WWTR1: variants seen among roughly 807,000 people sequenced by gnomAD.
WWTR1 encodes WW domain-containing transcription regulator protein 1.
In WWTR1, 13 loss-of-function variants were observed where a neutral mutation model predicts 40.1. The ratio of observed to expected loss-of-function variants is 0.32; its 90% confidence interval spans 0.21 to 0.52. The LOEUF (loss-of-function observed/expected upper bound fraction) is 0.52, where lower values mean the gene tolerates loss of function less well. Among genes scored for constraint, WWTR1 ranks in the 20% least tolerant of loss-of-function variants. The probability of loss-of-function intolerance (pLI) is 0.97; values close to 1 mark genes in which losing one functional copy is unlikely to be tolerated. For synonymous variants in WWTR1, 230 were observed against 210.1 expected (o/e 1.09, Z -0.82); for missense variants, 436 against 523.1 (o/e 0.83, Z 1.63).
intron 2 of WWTR1, among the ~76,000 whole-genome samples, chr3:149,576,751 AT>A (rs369130842): frequency 4.5e-4 from 68 of 151,060 alleles, no homozygotes; most frequent in Admixed American, 7.9e-4. Flanking sequence ...CTCACTGGTA[AT>A]TTTTTTTTTC....
chr3:149,658,071 G>A (rs1713370150), upstream of WWTR1: 2 of 152,638 alleles, frequency 1.3e-5, no homozygotes, highest in Non-Finnish European at 2.9e-5. Context: ...CCAGGAAAGA[G>A]GCGGGCCCGA....
intron 2 of WWTR1, among the ~76,000 whole-genome samples, chr3:149,624,130 G>A (rs1448602237): frequency 1.3e-5 from 2 of 152,026 alleles, no homozygotes; most frequent in African/African-American, 4.8e-5. Context: ...CCTGAATGAT[G>A]AACAATCCAG....
chr3:149,587,735 G>A (rs1174376438), intron 2 of WWTR1, among the ~76,000 whole-genome samples: 1 of 152,160 alleles, frequency 6.6e-6, no homozygotes, highest in Non-Finnish European at 1.5e-5. Flanking sequence ...TACTTGTACA[G>A]ACATAGATTT....
rs1464092421 is a variant in WWTR1, at chr3:149,596,976, A to G, written c.432-23976T>C. Among the ~76,000 whole-genome samples the G allele has an allele frequency of 7.2e-5, 11 of 152,332 alleles. No homozygotes were observed. In the East Asian group the frequency reaches 1.5e-3, roughly 21 times the overall value. ...CCTTAGAACAAAACCTGGCAGATAGAAAACTATCAATAAATATTAGCTACC... is the reference window on the plus strand; with the variant it reads ...CCTTAGAACAAAACCTGGCAGATAGGAAACTATCAATAAATATTAGCTACC... On this transcript the variant is annotated intron_variant, in intron 2 of 6. Transcript: ENST00000360632.
intron 2 of WWTR1, among the ~76,000 whole-genome samples, chr3:149,574,311 A>G (rs1436559458): frequency 6.6e-6 from 1 of 152,132 alleles, no homozygotes; most frequent in African/African-American, 2.4e-5. Context: ...AAGTGCTGGG[A>G]TTACAGGCAC....
intron 2 of WWTR1, among the ~76,000 whole-genome samples, chr3:149,595,604 G>T (rs1738963906): frequency 6.6e-6 from 1 of 152,006 alleles, no homozygotes. Context: ...CTCTCTCCTT[G>T]CATGTTTGAC....
chr3:149,538,969 G>A (rs560557910), intron 4 of WWTR1, among the ~76,000 whole-genome samples: 2 of 152,042 alleles, frequency 1.3e-5, no homozygotes, highest in South Asian at 2.1e-4. Context: ...AAGGAATGAA[G>A]GAAGGAAAAA....
intron 3 of WWTR1, among the ~76,000 whole-genome samples, chr3:149,552,924 T>G (rs567781987): frequency 6.6e-6 from 1 of 152,326 alleles, no homozygotes; most frequent in Non-Finnish European, 1.5e-5. Context: ...ATCTTGGTCT[T>G]GCTTTCACTC....
intron 2 of WWTR1, among the ~76,000 whole-genome samples, chr3:149,646,656 A>T (rs1241954684): frequency 1.3e-5 from 2 of 152,318 alleles, no homozygotes; most frequent in Middle Eastern, 3.4e-3. Context: ...TCAGCCTTGT[A>T]TAAGAAGGAT....
At chr3:149,719,602 A>G (rs543936297) in intron 4 of WWTR1, among the ~76,000 whole-genome samples, 1 of 152,360 alleles carries the variant, frequency 6.6e-6, no homozygotes, top group Non-Finnish European at 1.5e-5. Context: ...GCATACAAAT[A>G]TCTTTGATAC....
At chr3:149,586,114 C>T (rs561935074) in intron 2 of WWTR1, among the ~76,000 whole-genome samples, 1 of 152,188 alleles carries the variant, frequency 6.6e-6, no homozygotes, top group Admixed American at 6.5e-5. Context: ...GACTTCAAAC[C>T]CCATCCTTCT....
chr3:149,603,980 T>A (rs1739374676), intron 2 of WWTR1, among the ~76,000 whole-genome samples: 1 of 151,798 alleles, frequency 6.6e-6, no homozygotes, highest in African/African-American at 2.4e-5. Flanking sequence ...TCATGATACA[T>A]ACAGATAATT....
chr3:149,557,933 G>A (rs954596048), intron 3 of WWTR1, among the ~76,000 whole-genome samples: 7 of 151,020 alleles, frequency 4.6e-5, no homozygotes, highest in African/African-American at 1.7e-4. Context: ...GACCAGGGAG[G>A]TGGATGTTGC....
chr3:149,721,699 T>A (rs1417670647), intron 4 of WWTR1, among the ~76,000 whole-genome samples: 1 of 152,140 alleles, frequency 6.6e-6, no homozygotes. Flanking sequence ...AAATGTTTGG[T>A]ATAATTCACT....
At chr3:149,606,974 A>G (rs566790873) in intron 2 of WWTR1, among the ~76,000 whole-genome samples, 11 of 152,228 alleles carry the variant, frequency 7.2e-5, no homozygotes, top group Non-Finnish European at 1.5e-4. Flanking sequence ...GAGGGGAGTG[A>G]TACACAGTGA....
intron 2 of WWTR1, chr3:149,650,256 A>G (rs1390699309): frequency 6.6e-6 from 1 of 152,296 alleles, no homozygotes; most frequent in Non-Finnish European, 1.5e-5. Flanking sequence ...TCAAGGATAC[A>G]TAATTACAAG....
At chr3:149,585,405 G>C (rs1404266014) in intron 2 of WWTR1, among the ~76,000 whole-genome samples, 1 of 152,132 alleles carries the variant, frequency 6.6e-6, no homozygotes, top group Non-Finnish European at 1.5e-5. Flanking sequence ...AAAGTGCTGG[G>C]ATTACAGGCA....
intron 2 of WWTR1, among the ~76,000 whole-genome samples, chr3:149,574,135 A>T (rs537168529): frequency 6.6e-6 from 1 of 152,014 alleles, no homozygotes; most frequent in Non-Finnish European, 1.5e-5. Flanking sequence ...GGCTGAAGCA[A>T]TCTTCCCACC....
intron 3 of WWTR1, among the ~76,000 whole-genome samples, chr3:149,550,990 C>T (rs1271188632): frequency 6.9e-6 from 1 of 144,014 alleles, no homozygotes; most frequent in African/African-American, 2.6e-5. Flanking sequence ...ACACTTCTAA[C>T]ATCATCCTTT....
Sources: allele counts gnomAD v4.1 joint callset (sites outside exome capture counted in the v4.1 genomes callset), GRCh38; gene constraint gnomAD v4.1.1; transcripts MANE v1.5; gene names NCBI Gene and HGNC (gene_info 2026-07-23, HGNC 2026-07-21).